NUBPL: variants seen among roughly 807,000 people sequenced by gnomAD.
NUBPL encodes NUBP iron-sulfur cluster assembly factor, mitochondrial.
Under a neutral mutation model 45.7 loss-of-function variants are expected in NUBPL, and 31 were observed. The ratio of observed to expected loss-of-function variants is 0.68; its 90% CI spans 0.51 to 0.92. The LOEUF (loss-of-function observed/expected upper bound fraction) is 0.92, where lower values mean the gene tolerates loss of function less well. Ranked by LOEUF, NUBPL falls within the 40% of genes least tolerant of loss-of-function variation. NUBPL has a pLI of 0.00. For synonymous variants in NUBPL, 144 were observed against 140.9 expected (o/e 1.02, Z -0.15); for missense variants, 401 against 398.7 (o/e 1.01, Z -0.05).
At chr14:31,776,387 AC>A (rs534136571) in intron 6 of NUBPL, among the ~76,000 whole-genome samples, 56 of 152,318 alleles carry the variant, frequency 3.7e-4, no homozygotes, top group African/African-American at 1.3e-3. Context: ...GTTTGCCTTC[AC>A]ACACAATGGG....
chr14:31,579,345 A>G (rs1422097971), intron 3 of NUBPL, among the ~76,000 whole-genome samples: 1 of 152,236 alleles, frequency 6.6e-6, no homozygotes, highest in Non-Finnish European at 1.5e-5. Flanking sequence ...TATCTGTATC[A>G]TGTTTCTATT....
chr14:31,782,946 A>G (rs937771758), intron 6 of NUBPL, among the ~76,000 whole-genome samples: 1 of 152,182 alleles, frequency 6.6e-6, no homozygotes, highest in African/African-American at 2.4e-5. Context: ...TTTCTATTAA[A>G]TTTAAGAAGT....
chr14:31,743,865 A>C (rs921681643), intron 6 of NUBPL, among the ~76,000 whole-genome samples: 17 of 152,130 alleles, frequency 1.1e-4, no homozygotes, highest in African/African-American at 4.1e-4. Context: ...GGAAAATAGA[A>C]AATGTTGTTT....
intron 2 of NUBPL, among the ~76,000 whole-genome samples, chr14:31,563,303 A>G (rs1054082596): frequency 6.6e-6 from 1 of 152,088 alleles, no homozygotes; most frequent in Non-Finnish European, 1.5e-5. Flanking sequence ...TGCGTTTTGT[A>G]ATTTGTTGGG....
At chr14:31,601,993 T>C (rs1344674986) in intron 4 of NUBPL, among the ~76,000 whole-genome samples, 2 of 152,234 alleles carry the variant, frequency 1.3e-5, no homozygotes, top group Non-Finnish European at 2.9e-5. Flanking sequence ...CCAACCCAGA[T>C]GTCCAACAAT....
chr14:31,831,721 G>C (rs1457855369), intron 8 of NUBPL, among the ~76,000 whole-genome samples: 1 of 152,160 alleles, frequency 6.6e-6, no homozygotes, highest in African/African-American at 2.4e-5. Context: ...GTCTATAGTT[G>C]AGATAGTTAC....
At chr14:31,581,067 G>T (rs539611067) in intron 3 of NUBPL, among the ~76,000 whole-genome samples, 1 of 152,324 alleles carries the variant, frequency 6.6e-6, no homozygotes, top group African/African-American at 2.4e-5. Context: ...ATGCCAGTGT[G>T]TAAGCTAAAG....
chr14:31,671,679 G>C (rs1391419898), intron 4 of NUBPL, among the ~76,000 whole-genome samples: 3 of 152,156 alleles, frequency 2.0e-5, no homozygotes, highest in African/African-American at 7.2e-5. Flanking sequence ...TTTCAAATTA[G>C]GTATGGGGAG....
At position 31,860,038 on chromosome 14, in the gene NUBPL, C is replaced by G. The variant is rs2040687752; in HGVS notation, c.*858C>G. The G allele has an allele frequency of 6.6e-6, 1 of 152,050 alleles. No individual in the cohort carries two copies. The highest frequency in any genetic ancestry group is 1.5e-5 in the Non-Finnish European group (1 of 68,036). The allele number at this position is 152,050 out of a possible 1,614,324, so 9.4% of individuals were successfully genotyped here. On this transcript the variant is annotated 3_prime_UTR_variant, in exon 11 of 11. Transcript: ENST00000281081. Reference sequence around the variant, plus strand: ...AGTCGGTGGTGGCTAGGCGTGGTGGCTCACGCCTGTAATCCCAGCACTTTG... The same window carrying G: ...AGTCGGTGGTGGCTAGGCGTGGTGGGTCACGCCTGTAATCCCAGCACTTTG...
intron 10 of NUBPL, among the ~76,000 whole-genome samples, chr14:31,856,432 C>G (rs1438340374): frequency 6.6e-6 from 1 of 152,120 alleles, no homozygotes; most frequent in African/African-American, 2.4e-5. Context: ...CAGCCCCTCC[C>G]AAATCACATG....
At chr14:31,750,564 G>C (rs963353937) in intron 6 of NUBPL, among the ~76,000 whole-genome samples, 5 of 151,770 alleles carry the variant, frequency 3.3e-5, no homozygotes, top group Admixed American at 2.6e-4. Flanking sequence ...TCTCTTATGG[G>C]ATAATTATCA....
chr14:31,826,544 T>C, intron 7 of NUBPL, 85 bp from the exon 8 acceptor site: 1 of 1,133,010 alleles, frequency 8.8e-7, no homozygotes, highest in East Asian at 2.4e-5. Flanking sequence ...TAATAGACTA[T>C]TTGCGTATGT....
rs532969226 is a variant in NUBPL at position 31,834,938 on chromosome 14, T to C, written c.693+8224T>C. ...TTTTAGTACTGTGGACATCATGGAC[T>C]ATCACAGGGTGACAGAATCTAGGGT... On this transcript the variant is annotated intron_variant, in intron 8 of 10. Transcript: ENST00000281081. Among the ~76,000 whole-genome samples the C allele has an allele frequency of 7.2e-5, 11 of 152,292 alleles. No homozygotes were observed. In the South Asian group the frequency reaches 2.3e-3, roughly 32 times the overall value.
At chr14:31,709,041 T>TCTGATCTTGCTTTTC (rs2037514140) in intron 6 of NUBPL, among the ~76,000 whole-genome samples, 1 of 152,196 alleles carries the variant, frequency 6.6e-6, no homozygotes, top group Non-Finnish European at 1.5e-5. Context: ...GCGGTCTTTC[T>TCTGATCTTGCTTTTC]CTGATCTTGC....
At chr14:31,700,457 C>T (rs1233201900) in intron 6 of NUBPL, among the ~76,000 whole-genome samples, 1 of 152,130 alleles carries the variant, frequency 6.6e-6, no homozygotes, top group Non-Finnish European at 1.5e-5. Context: ...CTTGAGGAGC[C>T]CTTCAGCCCA....
intron 4 of NUBPL, among the ~76,000 whole-genome samples, chr14:31,631,701 A>C (rs34782106): frequency 0.29 from 44,312 of 151,826 alleles, 7,409 homozygotes; most frequent in South Asian, 0.41. Flanking sequence ...CCACGTCCAA[A>C]GGCAGAAAAC....
At chr14:31,823,755 G>A (rs1465495783) in intron 7 of NUBPL, among the ~76,000 whole-genome samples, 12 of 152,078 alleles carry the variant, frequency 7.9e-5, no homozygotes, top group Admixed American at 7.2e-4. Context: ...TAGTTATACA[G>A]CTGGATACAG....
chr14:31,590,334 C>G (rs1206932993), intron 3 of NUBPL, among the ~76,000 whole-genome samples: 1 of 150,950 alleles, frequency 6.6e-6, no homozygotes, highest in Non-Finnish European at 1.5e-5. Context: ...TTTTTTCTAT[C>G]AGGAAATTAT....
At chr14:31,788,205 G>GCAGTAGTAGCAGCAAGGGTT (rs888055572) in intron 7 of NUBPL, among the ~76,000 whole-genome samples, 2 of 152,162 alleles carry the variant, frequency 1.3e-5, no homozygotes, top group Non-Finnish European at 2.9e-5. Flanking sequence ...TGGAAAAACA[G>GCAGTAGTAGCAGCAAGGGTT]CAGTAGTAGC....
Sources: gnomAD v4.1 joint callset for allele counts (sites outside exome capture counted in the v4.1 genomes callset) on GRCh38, gnomAD v4.1.1 for gene constraint, MANE v1.5 for transcripts, NCBI Gene and HGNC (gene_info 2026-07-23, HGNC 2026-07-21) for gene names.